The following NCOA2 variants were observed in gnomAD, a reference collection of about 807,000 sequenced individuals.
The protein encoded by NCOA2 is nuclear receptor coactivator 2, also known as class E basic helix-loop-helix protein 75.
In NCOA2, 21 loss-of-function variants were observed where a neutral mutation model predicts 145.1. The observed-to-expected ratio is 0.14, with a 90% CI of 0.10 to 0.21. NCOA2 has a LOEUF of 0.21. Ranked by LOEUF, NCOA2 falls within the 10% of genes least tolerant of loss-of-function variation. The pLI, the probability that NCOA2 is intolerant of heterozygous loss-of-function variation, is 1.00. For synonymous variants in NCOA2, 619 were observed against 637.5 expected, an observed-to-expected ratio of 0.97 and a Z score of 0.44; for missense variants, 1,472 against 1,837.6, an observed-to-expected ratio of 0.80 and a Z score of 3.64.
the NCOA2 span, among the ~76,000 whole-genome samples, chr8:70,414,011 T>A: frequency 9.5e-4 from 145 of 152,328 alleles, 3 homozygotes; most frequent in Admixed American, 9.3e-3. Context: ...CTGTCACACA[T>A]GTTATAAATA....
intron 2 of NCOA2, among the ~76,000 whole-genome samples, chr8:70,250,985 A>G (rs578059631): frequency 6.6e-6 from 1 of 152,220 alleles, no homozygotes; most frequent in African/African-American, 2.4e-5. Flanking sequence ...TAAGGGAAAA[A>G]GTAATACTGC....
intron 2 of NCOA2, among the ~76,000 whole-genome samples, chr8:70,286,795 CT>C (rs1355331820): frequency 1.3e-5 from 2 of 151,872 alleles, no homozygotes; most frequent in Non-Finnish European, 2.9e-5. Flanking sequence ...GTAATTTCCC[CT>C]ATATATATTT....
chr8:70,335,518 A>G (rs1293223827), intron 1 of NCOA2, among the ~76,000 whole-genome samples: 1 of 152,158 alleles, frequency 6.6e-6, no homozygotes, highest in Non-Finnish European at 1.5e-5. Context: ...GCACATTCAC[A>G]CTGTTGTGCA....
chr8:70,159,142 C>T (rs1468541410), intron 10 of NCOA2, among the ~76,000 whole-genome samples: 2 of 149,020 alleles, frequency 1.3e-5, no homozygotes, highest in Non-Finnish European at 3.0e-5. Context: ...CTCCTATATA[C>T]TTTAAATCAT....
intron 4 of NCOA2, among the ~76,000 whole-genome samples, chr8:70,184,065 A>T (rs1815776569): frequency 6.6e-6 from 1 of 152,166 alleles, no homozygotes; most frequent in Admixed American, 6.5e-5. Flanking sequence ...TAAGACTCTG[A>T]TTTTTTATTT....
At chr8:70,298,069 C>T (rs1402931353) in intron 1 of NCOA2, among the ~76,000 whole-genome samples, 1 of 152,048 alleles carries the variant, frequency 6.6e-6, no homozygotes, top group Non-Finnish European at 1.5e-5. Flanking sequence ...GTTTTTATAA[C>T]TAAGCTACTA....
chr8:70,421,393 A>G, the NCOA2 span, among the ~76,000 whole-genome samples: 1 of 152,060 alleles, frequency 6.6e-6, no homozygotes, highest in Non-Finnish European at 1.5e-5. Context: ...CTCTACAAGA[A>G]AAGAACACAA....
At chr8:70,270,884 T>C (rs6992295) in intron 2 of NCOA2, among the ~76,000 whole-genome samples, 4,052 of 152,288 alleles carry the variant, frequency 0.027, 170 homozygotes, top group African/African-American at 0.092. Context: ...AAACACCATA[T>C]AAAATCATGC....
chr8:70,213,353 C>T (rs987996833), intron 4 of NCOA2, among the ~76,000 whole-genome samples: 4 of 152,006 alleles, frequency 2.6e-5, no homozygotes, highest in African/African-American at 9.7e-5. Context: ...AAAAGAAAAC[C>T]ATAGGAAGAG....
At chr8:70,193,670 T>G (rs952043126) in intron 4 of NCOA2, among the ~76,000 whole-genome samples, 8 of 152,358 alleles carry the variant, frequency 5.3e-5, no homozygotes, top group African/African-American at 1.7e-4. Flanking sequence ...AGCTTGCTTC[T>G]TTTCCTCTTC....
intron 1 of NCOA2, among the ~76,000 whole-genome samples, chr8:70,342,601 T>C (rs1303655126): frequency 6.6e-6 from 1 of 152,038 alleles, no homozygotes; most frequent in African/African-American, 2.4e-5. Context: ...TAAGCTAACA[T>C]ACTTGCCACA....
intron 1 of NCOA2, among the ~76,000 whole-genome samples, chr8:70,381,441 ATC>A (rs1169203769): frequency 6.6e-6 from 1 of 152,156 alleles, no homozygotes; most frequent in East Asian, 1.9e-4. Flanking sequence ...AGTAGTGCTA[ATC>A]TCTCTCAATG....
At chr8:70,151,891 A>T (rs1811794469) in intron 11 of NCOA2, among the ~76,000 whole-genome samples, 1 of 149,306 alleles carries the variant, frequency 6.7e-6, no homozygotes, top group Admixed American at 6.7e-5. Flanking sequence ...TGACTACAGA[A>T]TTTTTTTTTT....
chr8:70,228,476 C>T (rs778879470), intron 2 of NCOA2, among the ~76,000 whole-genome samples: 5 of 152,138 alleles, frequency 3.3e-5, no homozygotes, highest in Admixed American at 6.5e-5. Flanking sequence ...AGAATTATTA[C>T]GCTTTGTGGA....
chr8:70,141,331 C>G lies in NCOA2; in HGVS notation c.2881G>C (p.Val961Leu), dbSNP rs1375931753. 3 of 1,613,834 alleles carry G rather than the reference C, an allele frequency of 1.9e-6. No individual in the cohort carries two copies. The highest frequency in any genetic ancestry group is 2.5e-6 in the Non-Finnish European group (3 of 1,179,892). The change falls in exon 14 of 23, where the codon GTG (valine) becomes CTG (leucine). Residue 961 changes from valine to leucine, a missense_variant. Physicochemically the swap from Val to Leu is conservative, Grantham distance 32. Around this residue, in one of 4 missense-constraint regions of NCOA2, gnomAD observed 953 missense variants for 1,062.1 expected, o/e 0.90. Transcript: ENST00000452400. ...SGEWAPQSSA[V>L]RVTCAATTSA... ...GTGGTAGCAGCACAGGTGACTCTCA[C>G]AGCCGAACTCTGCGGTGCCCATTCT...
intron 5 of NCOA2, among the ~76,000 whole-genome samples, chr8:70,170,774 T>C (rs922625684): frequency 9.2e-5 from 14 of 152,174 alleles, no homozygotes; most frequent in African/African-American, 3.4e-4. Context: ...GTAATTTTGA[T>C]CTATAGTTTG....
At chr8:70,225,410 G>A (rs1186929436) in intron 2 of NCOA2, among the ~76,000 whole-genome samples, 3 of 152,010 alleles carry the variant, frequency 2.0e-5, no homozygotes, top group African/African-American at 7.2e-5. Context: ...TTAGCCGGGT[G>A]TGTTGGCGCA....
At chr8:70,301,648 C>A (rs1341990239) in intron 1 of NCOA2, among the ~76,000 whole-genome samples, 1 of 120,062 alleles carries the variant, frequency 8.3e-6, no homozygotes, top group African/African-American at 3.3e-5. Context: ...AGAGTGAGAC[C>A]CTTTCTCAAA....
chr8:70,214,957 T>C (rs1819442491), intron 3 of NCOA2, among the ~76,000 whole-genome samples: 4 of 152,094 alleles, frequency 2.6e-5, no homozygotes, highest in African/African-American at 9.7e-5. Flanking sequence ...TAATACTAAT[T>C]TTAAAATTTC....
Sources: gnomAD v4.1 joint callset for allele counts (sites outside exome capture counted in the v4.1 genomes callset) on GRCh38, gnomAD v4.1.1 for gene constraint, gnomAD v4.1.1 regional missense constraint, MANE v1.5 for transcripts, NCBI Gene and HGNC (gene_info 2026-07-23, HGNC 2026-07-21) for gene names.